The following PARD3B variants were observed in gnomAD, a reference collection of about 807,000 sequenced individuals.
PARD3B encodes par-3 family cell polarity regulator beta.
In PARD3B, 103 loss-of-function variants were observed where a neutral mutation model predicts 130.2. That is an observed-to-expected ratio of 0.79 (90% CI 0.67 to 0.93). PARD3B has a LOEUF of 0.93. Among genes scored for constraint, PARD3B ranks in the 40% least tolerant of loss-of-function variants. The pLI is 0.00. For missense variants in PARD3B, 1,609 were observed against 1,499.2 expected, an observed-to-expected ratio of 1.07 and a Z score of -1.21; for synonymous variants, 583 against 553.2, an observed-to-expected ratio of 1.05 and a Z score of -0.76.
intron 1 of PARD3B, among the ~76,000 whole-genome samples, chr2:204,657,685 A>G (rs1222493103): frequency 6.6e-6 from 1 of 152,184 alleles, no homozygotes; most frequent in Admixed American, 6.6e-5. Context: ...TGAAAGCACA[A>G]TCATCCACAT....
intron 2 of PARD3B, among the ~76,000 whole-genome samples, chr2:204,924,788 G>A (rs1281944467): frequency 6.6e-6 from 1 of 152,022 alleles, no homozygotes; most frequent in East Asian, 1.9e-4. Context: ...AAAATGCAAT[G>A]CAAGTGATAT....
At chr2:204,997,368 A>G (rs1395059518) in intron 3 of PARD3B, among the ~76,000 whole-genome samples, 2 of 152,378 alleles carry the variant, frequency 1.3e-5, no homozygotes, top group African/African-American at 2.4e-5. Flanking sequence ...GAGTCTTCAC[A>G]TGAATGAACA....
chr2:205,347,417 G>A (rs2043833596), intron 18 of PARD3B, among the ~76,000 whole-genome samples: 1 of 152,148 alleles, frequency 6.6e-6, no homozygotes, highest in Admixed American at 6.5e-5. Context: ...AAGTAAACAT[G>A]GTTAAGCTAA....
chr2:205,172,513 G>T, intron 12 of PARD3B, 132 bp downstream of exon 12: 1 of 905,914 alleles, frequency 1.1e-6, no homozygotes, highest in Non-Finnish European at 1.6e-6. Context: ...TGGGAAACAG[G>T]TGGTTGTGTA....
At chr2:204,925,212 G>A (rs1459787420) in intron 2 of PARD3B, among the ~76,000 whole-genome samples, 2 of 152,072 alleles carry the variant, frequency 1.3e-5, no homozygotes, top group African/African-American at 2.4e-5. Flanking sequence ...GCATGGAAAA[G>A]TGTAGTTACT....
rs7586647 is a variant in PARD3B, at chr2:204,831,067, T to C, written c.223-134085T>C. Among the ~76,000 whole-genome samples, 549 of 152,352 alleles carry C rather than the reference T, an allele frequency of 3.6e-3. 2 individuals carry two copies. Among genetic ancestry groups the C allele is most frequent in the African/African-American group, 0.012 (498 of 41,584 alleles). On this transcript the variant is annotated intron_variant, in intron 2 of 22. Transcript: ENST00000406610. Reference sequence around the variant, plus strand: ...TTTATTAATTGAATAAATAATAGGCTTCACCTATAAAAGTAACTAAATTCT... The same window carrying C: ...TTTATTAATTGAATAAATAATAGGCCTCACCTATAAAAGTAACTAAATTCT...
At chr2:205,344,138 A>G (rs1250874485) in intron 18 of PARD3B, among the ~76,000 whole-genome samples, 1 of 151,714 alleles carries the variant, frequency 6.6e-6, no homozygotes, top group Non-Finnish European at 1.5e-5. Flanking sequence ...TATATATTTT[A>G]TCATGGGAGA....
chr2:205,490,161 G>A (rs2049637478), intron 20 of PARD3B, among the ~76,000 whole-genome samples: 1 of 151,948 alleles, frequency 6.6e-6, no homozygotes, highest in Admixed American at 6.6e-5. Context: ...TGTGCACAAC[G>A]TGCAGGTTAG....
chr2:205,108,172 C>T (rs1187345978), intron 5 of PARD3B, among the ~76,000 whole-genome samples: 4 of 152,192 alleles, frequency 2.6e-5, no homozygotes, highest in Admixed American at 1.3e-4. Context: ...GCCTCTGTTA[C>T]TCTATTAGTT....
intron 1 of PARD3B, among the ~76,000 whole-genome samples, chr2:204,567,354 A>G (rs2031736307): frequency 6.6e-6 from 1 of 152,128 alleles, no homozygotes; most frequent in Non-Finnish European, 1.5e-5. Flanking sequence ...CTCCATACCC[A>G]TTAAATAATA....
At chr2:204,617,568 A>G (rs993129637) in intron 1 of PARD3B, among the ~76,000 whole-genome samples, 4 of 151,858 alleles carry the variant, frequency 2.6e-5, no homozygotes, top group African/African-American at 7.3e-5. Flanking sequence ...AAACTTTCCA[A>G]CTTTTAGTTT....
intron 1 of PARD3B, among the ~76,000 whole-genome samples, chr2:204,615,588 T>G (rs2034081065): frequency 6.6e-6 from 1 of 152,174 alleles, no homozygotes; most frequent in South Asian, 2.1e-4. Flanking sequence ...AACTTCTGCT[T>G]GAAAGTTTGA....
intron 3 of PARD3B, among the ~76,000 whole-genome samples, chr2:205,030,461 T>G (rs1031817672): frequency 6.6e-6 from 1 of 152,112 alleles, no homozygotes; most frequent in African/African-American, 2.4e-5. Flanking sequence ...AATACAGCAT[T>G]GTGAATATTT....
intron 2 of PARD3B, among the ~76,000 whole-genome samples, chr2:204,848,637 C>CTCTA (rs1327027447): frequency 1.3e-5 from 2 of 149,304 alleles, no homozygotes; most frequent in South Asian, 2.1e-4. Flanking sequence ...TAGAGTGAGA[C>CTCTA]TCTGTCTATC....
intron 1 of PARD3B, among the ~76,000 whole-genome samples, chr2:204,564,826 C>T (rs532393970): frequency 8.5e-5 from 13 of 152,268 alleles, no homozygotes; most frequent in Middle Eastern, 3.4e-3. Context: ...TTAATAGCTT[C>T]GTCAGATAAT....
At chr2:204,687,334 T>C (rs1404840864) in intron 2 of PARD3B, among the ~76,000 whole-genome samples, 1 of 152,172 alleles carries the variant, frequency 6.6e-6, no homozygotes, top group African/African-American at 2.4e-5. Flanking sequence ...TATTAGCGAT[T>C]TTATAGTCTA....
Position 205,158,697 on chromosome 2 carries a change from C to G in PARD3B, c.1435-25C>G. 2 of 1,583,694 alleles carry G rather than the reference C, an allele frequency of 1.3e-6. No individual in the cohort carries two copies. The highest frequency in any genetic ancestry group is 1.7e-6 in the Non-Finnish European group (2 of 1,161,074). ...ATTAATCTGCTTTCTTCTCTTCACT[C>G]TTTTCATGTGTATTCCCCTAACAGA... On this transcript the variant is annotated intron_variant, in intron 10 of 22. Transcript: ENST00000406610. This position sits in a 1 kb window ranked among gnomAD's most constrained non-coding sequence, Gnocchi z 5.4.
intron 10 of PARD3B, among the ~76,000 whole-genome samples, chr2:205,134,700 A>G (rs1414703113): frequency 6.6e-6 from 1 of 152,168 alleles, no homozygotes; most frequent in Non-Finnish European, 1.5e-5. Flanking sequence ...GCTGCTCCCT[A>G]AGAAGTACTT....
chr2:204,906,204 G>T lies in PARD3B; in HGVS notation c.223-58948G>T, dbSNP rs1679823157. On this transcript the variant is annotated intron_variant, in intron 2 of 22. Coordinates refer to ENST00000406610, the MANE Select transcript of PARD3B (RefSeq NM_001302769.2). The surrounding 1 kb of genome is among the most constrained non-coding windows in gnomAD (Gnocchi z 4.3). ...CTTAAGTAATTATTTAGAAGTCATG[G>T]TAACTATTTGTCAAAAAGTAAAATG... is the stretch of plus-strand genomic sequence containing the variant. 6.6e-6 allele frequency among the ~76,000 whole-genome samples: 1 copy of T among 152,158 alleles called. No individual in the cohort carries two copies. The highest frequency in any genetic ancestry group is 2.1e-4 in the South Asian group (1 of 4,828).
Sources: gnomAD v4.1 joint callset for allele counts (sites outside exome capture counted in the v4.1 genomes callset) on GRCh38, gnomAD v4.1.1 for gene constraint, Gnocchi (gnomAD v3.1) non-coding constraint, MANE v1.5 for transcripts, NCBI Gene and HGNC (gene_info 2026-07-23, HGNC 2026-07-21) for gene names.